SPAST: variants seen among roughly 807,000 people sequenced by gnomAD.
The protein encoded by SPAST is spastic paraplegia 4 (autosomal dominant; spastin).
SPAST carries 30 observed loss-of-function variants against 76.6 expected under a neutral mutation model. The ratio of observed to expected loss-of-function variants is 0.39; its 90% CI spans 0.29 to 0.53. The LOEUF is 0.53. Ranked by LOEUF, SPAST falls within the 20% of genes least tolerant of loss-of-function variation. The pLI is 0.68. For missense variants in SPAST, 717 were observed against 770.5 expected, an observed-to-expected ratio of 0.93 and a Z score of 0.82; for synonymous variants, 305 against 281.0, an observed-to-expected ratio of 1.09 and a Z score of -0.86.
intron 16 of SPAST, among the ~76,000 whole-genome samples, chr2:32,152,815 A>C (rs1373529906): frequency 4.0e-5 from 6 of 151,610 alleles, no homozygotes; most frequent in African/African-American, 1.5e-4. Flanking sequence ...TGGCATGCTC[A>C]TGGCTCACTG....
intron 1 of SPAST, among the ~76,000 whole-genome samples, chr2:32,069,010 G>A (rs549981644): frequency 2.5e-4 from 38 of 152,050 alleles, no homozygotes; most frequent in Non-Finnish European, 4.4e-4. Flanking sequence ...AGAAGTTCGC[G>A]ACCAGCCTGG....
At chr2:32,139,137 G>A (rs1679635885) in intron 12 of SPAST, among the ~76,000 whole-genome samples, 1 of 151,998 alleles carries the variant, frequency 6.6e-6, no homozygotes, top group South Asian at 2.1e-4. Flanking sequence ...TGTCTATTTG[G>A]ACTCTTTTTT....
At chr2:32,105,644 G>A (rs1678291055) in intron 4 of SPAST, among the ~76,000 whole-genome samples, 2 of 152,106 alleles carry the variant, frequency 1.3e-5, no homozygotes, top group Admixed American at 1.3e-4. Flanking sequence ...GTTTTGGTGT[G>A]GATGTCCTTT....
At chr2:32,098,000 C>T (rs774081195) in intron 3 of SPAST, among the ~76,000 whole-genome samples, 1 of 151,912 alleles carries the variant, frequency 6.6e-6, no homozygotes, top group East Asian at 1.9e-4. Flanking sequence ...GCCTGGCTGT[C>T]CTTTCTTTTA....
At chr2:32,112,362 T>TC (rs1377276470) in intron 4 of SPAST, among the ~76,000 whole-genome samples, 1 of 151,110 alleles carries the variant, frequency 6.6e-6, no homozygotes, top group Admixed American at 6.6e-5. Context: ...TTTTTTTTTT[T>TC]CCTAAGACGG....
At chr2:32,112,697 A>G (rs917006398) in intron 4 of SPAST, among the ~76,000 whole-genome samples, 6 of 151,746 alleles carry the variant, frequency 4.0e-5, no homozygotes, top group Non-Finnish European at 8.8e-5. Flanking sequence ...ATACTTCCTG[A>G]TTTTATAATA....
At chr2:32,139,162 T>C (rs112086387) in intron 12 of SPAST, among the ~76,000 whole-genome samples, 4 of 152,208 alleles carry the variant, frequency 2.6e-5, no homozygotes, top group African/African-American at 9.7e-5. Context: ...TCCATATGAA[T>C]TTTAGAATAT....
chr2:32,085,196 C>T (rs1414629174), intron 1 of SPAST, among the ~76,000 whole-genome samples: 9 of 132,710 alleles, frequency 6.8e-5, no homozygotes, highest in Non-Finnish European at 1.3e-4. Flanking sequence ...ATTTCTTTTT[C>T]TTCTTCTTCT....
chr2:32,124,285 C>T (rs1475922828), intron 7 of SPAST, among the ~76,000 whole-genome samples: 4 of 152,224 alleles, frequency 2.6e-5, no homozygotes, highest in Non-Finnish European at 4.4e-5. Flanking sequence ...AACATCATGT[C>T]GTTAGGGAAA....
At chr2:32,107,467 A>G (rs1467237794) in intron 4 of SPAST, among the ~76,000 whole-genome samples, 4 of 151,978 alleles carry the variant, frequency 2.6e-5, no homozygotes, top group Non-Finnish European at 5.9e-5. Context: ...TGGTCAAGCT[A>G]GTCTGAGACT....
At position 32,154,596 on chromosome 2, in the gene SPAST, G is replaced by A; in HGVS notation, c.*100G>A. 1 of 1,221,926 alleles carries A rather than the reference G, an allele frequency of 8.2e-7. No individual in the cohort carries two copies. Among genetic ancestry groups the A allele is most frequent in the Non-Finnish European group, 1.2e-6 (1 of 835,410 alleles). The allele number at this position is 1,221,926 out of a possible 1,614,324, so 75.7% of individuals were successfully genotyped here. A position where few individuals can be genotyped will look rare whatever the true frequency, so the allele number is the denominator to read the frequency against. ...CTACAGAAACAGCCTAAGTTTACAG[G>A]ACTTTTTAGAGTCTTACATATTTGT... is the stretch of plus-strand genomic sequence containing the variant. On this transcript the variant is annotated 3_prime_UTR_variant, in exon 17 of 17. Transcript: ENST00000315285.
At chr2:32,064,381 T>A in intron 1 of SPAST, 135 bp downstream of exon 1, 1 of 792,118 alleles carries the variant, frequency 1.3e-6, no homozygotes, top group Non-Finnish European at 2.0e-6. Flanking sequence ...CCCGGGAGAC[T>A]GCTTTCCCGT....
chr2:32,106,867 A>C (rs1678342514), intron 4 of SPAST, among the ~76,000 whole-genome samples: 3 of 151,712 alleles, frequency 2.0e-5, no homozygotes, highest in Admixed American at 6.6e-5. Context: ...TGAAGGGCTG[A>C]CATTTTCAGA....
At chr2:32,085,466 C>T (rs1233137436) in intron 1 of SPAST, among the ~76,000 whole-genome samples, 1 of 152,108 alleles carries the variant, frequency 6.6e-6, no homozygotes. Flanking sequence ...GTCCTCCTGC[C>T]TTGGCCTCCC....
At chr2:32,131,313 AC>A (rs1679362584) in intron 9 of SPAST, among the ~76,000 whole-genome samples, 1 of 152,120 alleles carries the variant, frequency 6.6e-6, no homozygotes, top group Admixed American at 6.6e-5. Flanking sequence ...TCCTAGCACC[AC>A]TTGCACCTCA....
chr2:32,087,689 C>CTTT, intron 2 of SPAST, 111 bp downstream of exon 2: 6 of 279,572 alleles, frequency 2.1e-5, no homozygotes, highest in East Asian at 7.8e-5. Flanking sequence ...CTTTTCTTTT[C>CTTT]TTTTCTTTTT....
At chr2:32,087,737 C>T (rs1307768057) in intron 2 of SPAST, among the ~76,000 whole-genome samples, 159 bp downstream of exon 2, 1 of 132,540 alleles carries the variant, frequency 7.5e-6, no homozygotes, top group East Asian at 2.4e-4. Context: ...CCTCTGTTAC[C>T]CAGGCTGGAG....
chr2:32,148,840 G>T (rs1679982154), intron 16 of SPAST, among the ~76,000 whole-genome samples: 1 of 150,982 alleles, frequency 6.6e-6, no homozygotes, highest in African/African-American at 2.4e-5. Context: ...TGGGCATGGT[G>T]GCACGTGCCT....
intron 1 of SPAST, among the ~76,000 whole-genome samples, chr2:32,084,227 A>G (rs1380958791): frequency 1.3e-5 from 2 of 151,298 alleles, no homozygotes; most frequent in Non-Finnish European, 2.9e-5. Flanking sequence ...GCTGGCGTGC[A>G]GTGGCTCACT....
Sources: gnomAD v4.1 joint callset for allele counts (sites outside exome capture counted in the v4.1 genomes callset) on GRCh38, gnomAD v4.1.1 for gene constraint, MANE v1.5 for transcripts, NCBI Gene and HGNC (gene_info 2026-07-23, HGNC 2026-07-21) for gene names.